The following TRAF1 variants were observed in gnomAD, a reference collection of about 807,000 sequenced individuals.
The protein encoded by TRAF1 is TNF receptor associated factor 1.
In TRAF1, 23 loss-of-function variants were observed where a neutral mutation model predicts 40.9. The ratio of observed to expected loss-of-function variants is 0.56; its 90% CI spans 0.40 to 0.80. The LOEUF (loss-of-function observed/expected upper bound fraction) is 0.80. TRAF1 is among the 30% of genes least tolerant of loss of function. TRAF1 has a pLI of 0.00. For synonymous variants in TRAF1, 206 were observed against 218.8 expected (o/e 0.94, Z 0.52); for missense variants, 477 against 528.7 (o/e 0.90, Z 0.96).
At chr9:120,925,569 A>G (rs2046633620) in intron 2 of TRAF1, among the ~76,000 whole-genome samples, 1 of 152,240 alleles carries the variant, frequency 6.6e-6, no homozygotes, top group African/African-American at 2.4e-5. Flanking sequence ...TTTTGTGATT[A>G]TTATTCATTG....
At chr9:120,906,904 C>T (rs1213121451) in intron 7 of TRAF1, among the ~76,000 whole-genome samples, 3 of 152,086 alleles carry the variant, frequency 2.0e-5, no homozygotes, top group East Asian at 1.9e-4. Flanking sequence ...AGTCTCACTC[C>T]GTCCCCCAGG....
intron 7 of TRAF1, among the ~76,000 whole-genome samples, chr9:120,908,021 T>C (rs1290196408): frequency 6.6e-6 from 1 of 152,166 alleles, no homozygotes; most frequent in Non-Finnish European, 1.5e-5. Context: ...GCCTCCCAAG[T>C]AGCTGAGACT....
At chr9:120,910,251 CTT>C (rs1413716526) in intron 6 of TRAF1, among the ~76,000 whole-genome samples, 1 of 152,046 alleles carries the variant, frequency 6.6e-6, no homozygotes, top group African/African-American at 2.4e-5. Context: ...CTTTTTCCCT[CTT>C]TGAAAAGAAT....
chr9:120,911,632 G>T, intron 5 of TRAF1, 119 bp from the exon 6 acceptor site: 1 of 1,185,224 alleles, frequency 8.4e-7, no homozygotes, highest in Non-Finnish European at 1.2e-6. Context: ...CCTCACTCAG[G>T]TGTGCGTCTG....
chr9:120,918,997 C>T (rs7038991), intron 3 of TRAF1, among the ~76,000 whole-genome samples: 15,342 of 152,166 alleles, frequency 0.1, 1,126 homozygotes, highest in African/African-American at 0.2. Flanking sequence ...ACGGGGCAGG[C>T]GAGGGGAGCC....
intron 3 of TRAF1, 131 bp from the exon 4 acceptor site, chr9:120,914,431 C>G: frequency 8.1e-7 from 1 of 1,242,060 alleles, no homozygotes; most frequent in Non-Finnish European, 1.0e-6. Context: ...CTGCTGTTCC[C>G]TTTGGCTATC....
chr9:120,913,810 C>A (rs1326427061), intron 4 of TRAF1, 72 bp from the exon 5 acceptor site: 1 of 1,451,462 alleles, frequency 6.9e-7, no homozygotes, highest in Non-Finnish European at 9.2e-7. Context: ...GAGTGCCCTG[C>A]TATCAAAGGT....
intron 2 of TRAF1, among the ~76,000 whole-genome samples, 188 bp downstream of exon 2, chr9:120,925,748 G>A (rs76009660): frequency 0.044 from 6,643 of 152,278 alleles, 213 homozygotes; most frequent in Middle Eastern, 0.092. Flanking sequence ...GCCTTTCTGT[G>A]GCTTCCTCTC....
chr9:120,912,806 T>C (rs1257343611), intron 5 of TRAF1, among the ~76,000 whole-genome samples: 1 of 152,230 alleles, frequency 6.6e-6, no homozygotes, highest in Non-Finnish European at 1.5e-5. Context: ...CTTTGGAGAC[T>C]GAGCCAGAGC....
chr9:120,910,087 G>T (rs2046514995), intron 6 of TRAF1, among the ~76,000 whole-genome samples: 1 of 152,230 alleles, frequency 6.6e-6, no homozygotes, highest in Non-Finnish European at 1.5e-5. Context: ...TCCCATGAGA[G>T]CATGTCCTCT....
At chr9:120,925,466 C>A (rs888249563) in intron 2 of TRAF1, among the ~76,000 whole-genome samples, 1 of 152,186 alleles carries the variant, frequency 6.6e-6, no homozygotes, top group African/African-American at 2.4e-5. Context: ...TCCCAGCAAA[C>A]GGTCTGAGGT....
intron 3 of TRAF1, among the ~76,000 whole-genome samples, chr9:120,922,995 T>C (rs1487219075): frequency 2.6e-5 from 4 of 152,096 alleles, no homozygotes; most frequent in African/African-American, 9.7e-5. Context: ...TGTGCCACCA[T>C]GCCAGGTTAG....
chr9:120,925,958 C>G lies in TRAF1; in HGVS notation c.118G>C (p.Gly40Arg). ...PKEPRALCCAGCLSENPRNGE... is the reference protein window; with the variant it reads ...PKEPRALCCARCLSENPRNGE... ...CACCTCGGGTTCTCAGAGAGACAGC[C>G]TGCACAGCAGAGAGCCCTGGGCTCC... Residue 40 changes from glycine to arginine, a missense_variant, in exon 2 of 8, where the codon GGC becomes CGC. By Grantham distance (125) the Gly-to-Arg change is moderately radical. Coordinates refer to ENST00000373887, the MANE Select transcript of TRAF1 (RefSeq NM_005658.5). 7 of 1,614,034 alleles carry G rather than the reference C, an allele frequency of 4.3e-6. No individual in the cohort carries two copies. Among genetic ancestry groups the G allele is most frequent in the Non-Finnish European group, 5.1e-6 (6 of 1,179,942 alleles).
chr9:120,925,452 G>A (rs932626398), intron 2 of TRAF1, among the ~76,000 whole-genome samples: 1 of 152,188 alleles, frequency 6.6e-6, no homozygotes, highest in Non-Finnish European at 1.5e-5. Flanking sequence ...CCCTCCAAAA[G>A]GGTTCCCAGC....
chr9:120,906,182 T>TTG (rs34475444), intron 7 of TRAF1, among the ~76,000 whole-genome samples: 61,510 of 142,480 alleles, frequency 0.43, 15,854 homozygotes, highest in South Asian at 0.67. Context: ...TGTTTTTTTT[T>TTG]TTTTTTTTTT....
In TRAF1 at chr9:120,923,771, G is replaced by A. The variant is rs1343194892; in HGVS notation, c.162C>T (p.Cys54=). Reference sequence around the variant, plus strand: ...GGAGGTCTTCCCCTCTGCATTTGGGGCAGATCTGATCCTCGCCATTCCTGG... The same window carrying A: ...GGAGGTCTTCCCCTCTGCATTTGGGACAGATCTGATCCTCGCCATTCCTGG... ...ENPRNGEDQI[C]PKCRGEDLQS... is the part of the protein sequence containing the mutation. Residue 54 remains cysteine (C), a synonymous_variant, in exon 3 of 8, where the codon TGC becomes TGT. Transcript: ENST00000373887. 1.2e-6 allele frequency: 2 copies of A among 1,614,096 alleles called. No homozygotes were observed. The highest frequency in any genetic ancestry group is 1.7e-6 in the Non-Finnish European group (2 of 1,179,996).
At chr9:120,924,924 G>A (rs1472804188) in intron 2 of TRAF1, among the ~76,000 whole-genome samples, 1 of 152,188 alleles carries the variant, frequency 6.6e-6, no homozygotes, top group African/African-American at 2.4e-5. Context: ...CCTCTGCCAG[G>A]TTTTGGAAGG....
At chr9:120,918,342 GTAA>G (rs1355679838) in intron 3 of TRAF1, among the ~76,000 whole-genome samples, 2 of 151,804 alleles carry the variant, frequency 1.3e-5, no homozygotes, top group Non-Finnish European at 2.9e-5. Flanking sequence ...TAAATTAATA[GTAA>G]TAATGGCTCA....
chr9:120,929,170 G>C (rs1390547679), upstream of TRAF1: 1 of 152,424 alleles, frequency 6.6e-6, no homozygotes, highest in African/African-American at 2.4e-5. The surrounding 1 kb of genome is among the most constrained non-coding windows in gnomAD (Gnocchi z 4.5). Context: ...TTCCGGTGGA[G>C]TGTGAAGGAC....
Sources: allele counts gnomAD v4.1 joint callset (sites outside exome capture counted in the v4.1 genomes callset), GRCh38; gene constraint gnomAD v4.1.1; non-coding constraint Gnocchi (gnomAD v3.1); transcripts MANE v1.5; gene names NCBI Gene and HGNC (gene_info 2026-07-23, HGNC 2026-07-21).